NPTXR: variants seen among roughly 807,000 people sequenced by gnomAD.
NPTXR encodes the protein neuronal pentraxin receptor.
In NPTXR, 12 loss-of-function variants were observed where a neutral mutation model predicts 32.2. The observed-to-expected ratio is 0.37, with a 90% CI of 0.24 to 0.60. The LOEUF (loss-of-function observed/expected upper bound fraction) is 0.60. NPTXR is among the 20% of genes least tolerant of loss of function. NPTXR has a pLI of 0.66. For synonymous variants in NPTXR, 323 were observed against 315.8 expected (o/e 1.02, Z -0.24); for missense variants, 612 against 682.9 (o/e 0.90, Z 1.16).
At chr22:38,823,639 C>A (rs1314398567) in intron 3 of NPTXR, among the ~76,000 whole-genome samples, 1 of 152,216 alleles carries the variant, frequency 6.6e-6, no homozygotes, top group Non-Finnish European at 1.5e-5. Context: ...ATAGAATGAG[C>A]CTTGGACTCA....
intron 2 of NPTXR, 127 bp from the exon 3 acceptor site, chr22:38,826,874 G>T (rs1244032726): frequency 1.9e-6 from 2 of 1,034,444 alleles, no homozygotes; most frequent in African/African-American, 1.6e-5. Flanking sequence ...TGCCTTCAGG[G>T]CTCTCTCTGC....
At chr22:38,839,987 G>C in intron 1 of NPTXR, among the ~76,000 whole-genome samples, 1 of 152,330 alleles carries the variant, frequency 6.6e-6, no homozygotes, top group South Asian at 2.1e-4. Context: ...TGACGCAATT[G>C]AATGCAGCAT....
intron 1 of NPTXR, among the ~76,000 whole-genome samples, chr22:38,840,073 C>T (rs985639730): frequency 6.6e-6 from 1 of 152,230 alleles, no homozygotes; most frequent in Non-Finnish European, 1.5e-5. Context: ...AAGACACTTT[C>T]CCCTAAGCCC....
Position 38,834,600 on chromosome 22 carries a change from TCATCCATCCATC to T in NPTXR, c.625-6100_625-6089del, listed in dbSNP as rs3042737. On this transcript the variant is annotated intron_variant, in intron 1 of 4. Coordinates refer to ENST00000333039, the MANE Select transcript of NPTXR (RefSeq NM_014293.4). The surrounding 1 kb of genome is among the most constrained non-coding windows in gnomAD (Gnocchi z 4.4). The stretch of plus-strand genomic sequence containing the variant: ...ACTCATCCATCCATCCATCCATCCA[TCATCCATCCATC>T]CATCCATCCATCCATCCATCCATCC... 2.9e-3 allele frequency among the ~76,000 whole-genome samples: 432 copies of T among 147,408 alleles called. No individual in the cohort carries two copies. Among genetic ancestry groups the T allele is most frequent in the African/African-American group, 0.01 (401 of 39,956 alleles).
At chr22:38,841,905 G>C (rs2049906) in intron 1 of NPTXR, among the ~76,000 whole-genome samples, 5,120 of 152,306 alleles carry the variant, frequency 0.034, 114 homozygotes, top group East Asian at 0.077. Flanking sequence ...TCGGGGAAGA[G>C]GTGGGTATGG....
chr22:38,838,823 T>C (rs559124246), intron 1 of NPTXR, among the ~76,000 whole-genome samples: 42 of 152,180 alleles, frequency 2.8e-4, no homozygotes, highest in East Asian at 5.8e-4. Flanking sequence ...CCTCATAATC[T>C]GCCCACCTTG....
chr22:38,833,337 C>G (rs138752957), intron 1 of NPTXR, among the ~76,000 whole-genome samples: 12 of 152,218 alleles, frequency 7.9e-5, no homozygotes, highest in African/African-American at 2.9e-4. Context: ...CAGGGGCAGA[C>G]TGCAGGGGCA....
chr22:38,822,554 C>T lies in NPTXR; in HGVS notation c.*55G>A. The T allele has an allele frequency of 2.0e-6, 3 of 1,496,172 alleles. No homozygotes were observed. Among genetic ancestry groups the T allele is most frequent in the Non-Finnish European group, 2.8e-6 (3 of 1,090,858 alleles). 92.7% of individuals were successfully genotyped at this position (1,496,172 alleles called of 1,614,324 possible). ...GGCAGGCTGAGGAGGGAATATGACC[C>T]CCCTCAAGTCCCCAAAGTGGCAGGC... On this transcript the variant is annotated 3_prime_UTR_variant, in exon 5 of 5. Transcript: ENST00000333039.
At chr22:38,828,545 G>A (rs779007979) in intron 1 of NPTXR, 33 bp from the exon 2 acceptor site, 14 of 1,518,538 alleles carry the variant, frequency 9.2e-6, no homozygotes, top group Non-Finnish European at 1.2e-5. Context: ...GAAATCAACT[G>A]AGGGGAGGAA....
At chr22:38,822,911 G>A in intron 4 of NPTXR, 78 bp from the exon 5 acceptor site, 2 of 1,467,436 alleles carry the variant, frequency 1.4e-6, no homozygotes, top group Non-Finnish European at 1.9e-6. Context: ...GCTCAGTCAG[G>A]CTCTTGTCCC....
chr22:38,825,256 G>T (rs2146191564), intron 3 of NPTXR, among the ~76,000 whole-genome samples: 1 of 152,230 alleles, frequency 6.6e-6, no homozygotes, highest in Admixed American at 6.5e-5. Flanking sequence ...CAGAACAGGG[G>T]AGGGGTTAAA....
intron 1 of NPTXR, among the ~76,000 whole-genome samples, chr22:38,838,602 G>C (rs2093127639): frequency 9.6e-6 from 1 of 103,758 alleles, no homozygotes; most frequent in East Asian, 3.5e-4. Flanking sequence ...TTTTTTTTGA[G>C]ATGGAGTCTC....
At position 38,828,496 on chromosome 22, in the gene NPTXR, C is replaced by A; in HGVS notation, c.641G>T (p.Arg214Leu). 1 of 1,601,610 alleles carries A rather than the reference C, an allele frequency of 6.2e-7. No homozygotes were observed. Among genetic ancestry groups the A allele is most frequent in the South Asian group, 1.1e-5 (1 of 89,690 alleles). Residue 214 changes from arginine to leucine, a missense_variant, in exon 2 of 5, where the codon CGT (arginine) becomes CTT (leucine). By Grantham distance (102) the Arg-to-Leu change is moderately radical. Coordinates refer to ENST00000333039, the MANE Select transcript of NPTXR (RefSeq NM_014293.4). ...GGCTGGGGCAGCTGAGAGGTTCACACGGGCTGGAAGCTCCTGCTGTTCACA... is the reference window on the plus strand; with the variant it reads ...GGCTGGGGCAGCTGAGAGGTTCACAAGGGCTGGAAGCTCCTGCTGTTCACA...
At chr22:38,838,164 G>A (rs574924359) in intron 1 of NPTXR, among the ~76,000 whole-genome samples, 16 of 151,946 alleles carry the variant, frequency 1.1e-4, no homozygotes, top group African/African-American at 3.6e-4. Flanking sequence ...ACCTATTTCA[G>A]AGACTTTTTA....
intron 1 of NPTXR, among the ~76,000 whole-genome samples, chr22:38,836,318 T>G (rs1253483164): frequency 2.6e-5 from 4 of 152,186 alleles, no homozygotes; most frequent in African/African-American, 9.7e-5. Context: ...CAAGAATGTT[T>G]ACAGCAGCCT....
At chr22:38,833,279 A>G (rs1277006530) in intron 1 of NPTXR, among the ~76,000 whole-genome samples, 1 of 152,212 alleles carries the variant, frequency 6.6e-6, no homozygotes, top group African/African-American at 2.4e-5. Context: ...GTTTGGGGTC[A>G]GAAAGCTTTC....
rs1194009609 is a variant in NPTXR at position 38,826,416 on chromosome 22, G to A, written c.1098+84C>T. The stretch of plus-strand genomic sequence containing the variant: ...ATATGCAGAGCAGGAGAATGAGCAG[G>A]AGAATGAAAGAGCCCAGTGTGGAGT... On this transcript the variant is annotated intron_variant, in intron 3 of 4. Transcript: ENST00000333039. The A allele has an allele frequency of 8.9e-6, 13 of 1,453,024 alleles. No homozygotes were observed. The Admixed American group carries it at 2.5e-4, about 28-fold the overall frequency. The allele number at this position is 1,453,024 out of a possible 1,614,324, so 90.0% of individuals were successfully genotyped here.
Position 38,826,670 on chromosome 22 carries a change from G to A in NPTXR, c.928C>T (p.Arg310Trp), listed in dbSNP as rs568659250. 2.7e-5 allele frequency: 44 copies of A among 1,614,166 alleles called. No individual in the cohort carries two copies. The highest frequency in any genetic ancestry group is 6.7e-5 in the African/African-American group (5 of 75,026). ...GCGTAGAGCTCGGGCAGAGCCTTCC[G>A]CACGCGGGCGTACATGTAGTTGTTA... The change falls in exon 3 of 5, where the codon CGG becomes TGG. Residue 310 changes from arginine to tryptophan, a missense_variant. Coordinates refer to ENST00000333039, the MANE Select transcript of NPTXR (RefSeq NM_014293.4).
Position 38,828,517 on chromosome 22 carries a change from T to C in NPTXR, c.625-5A>G, listed in dbSNP as rs1401363933. The C allele has an allele frequency of 5.7e-6, 9 of 1,581,682 alleles. No homozygotes were observed. Among genetic ancestry groups the C allele is most frequent in the Non-Finnish European group, 6.9e-6 (8 of 1,163,822 alleles). On this transcript the variant is annotated splice_region_variant and splice_polypyrimidine_tract_variant and intron_variant, in intron 1 of 4. Coordinates refer to ENST00000333039, the MANE Select transcript of NPTXR (RefSeq NM_014293.4). ...CACACGGGCTGGAAGCTCCTGCTGTTCACAGGGCAGAGAAACAGAAATCAA... is the reference window on the plus strand; with the variant it reads ...CACACGGGCTGGAAGCTCCTGCTGTCCACAGGGCAGAGAAACAGAAATCAA...
Sources: gnomAD v4.1 joint callset for allele counts (sites outside exome capture counted in the v4.1 genomes callset) on GRCh38, gnomAD v4.1.1 for gene constraint, Gnocchi (gnomAD v3.1) non-coding constraint, MANE v1.5 for transcripts, NCBI Gene and HGNC (gene_info 2026-07-23, HGNC 2026-07-21) for gene names.